FAM135B: variants seen among roughly 807,000 people sequenced by gnomAD.
FAM135B encodes family with sequence similarity 135 member B.
FAM135B carries 43 observed loss-of-function variants against 127.7 expected under a neutral mutation model. The ratio of observed to expected loss-of-function variants is 0.34; its 90% CI spans 0.26 to 0.43. The LOEUF is 0.43. FAM135B is among the 20% of genes least tolerant of loss of function. The pLI, the probability that FAM135B is intolerant of heterozygous loss-of-function variation, is 1.00. For missense variants in FAM135B, 1,558 were observed against 1,725.6 expected, an observed-to-expected ratio of 0.90 and a Z score of 1.72; for synonymous variants, 670 against 665.1, an observed-to-expected ratio of 1.01 and a Z score of -0.11.
chr8:138,380,261 G>A (rs1424624950), intron 1 of FAM135B, among the ~76,000 whole-genome samples: 5 of 151,830 alleles, frequency 3.3e-5, no homozygotes, highest in African/African-American at 1.2e-4. Context: ...GTAGTGGTGC[G>A]ATCTTGGCTC....
At chr8:138,364,264 C>T (rs752108964) in intron 2 of FAM135B, among the ~76,000 whole-genome samples, 7 of 152,226 alleles carry the variant, frequency 4.6e-5, no homozygotes, top group African/African-American at 7.2e-5. Context: ...GGAACACCCC[C>T]GGCAAATGCA....
intron 1 of FAM135B, among the ~76,000 whole-genome samples, chr8:138,448,003 A>G (rs890154136): frequency 2.0e-5 from 3 of 151,814 alleles, no homozygotes; most frequent in Admixed American, 2.0e-4. Flanking sequence ...ACTAGATCCT[A>G]TGATCTAATT....
At chr8:138,309,613 GACC>G (rs1423682606) in intron 3 of FAM135B, among the ~76,000 whole-genome samples, 6 of 152,142 alleles carry the variant, frequency 3.9e-5, no homozygotes, top group Non-Finnish European at 7.3e-5. Context: ...AATTTAAGCA[GACC>G]ACCACATCTA....
intron 2 of FAM135B, among the ~76,000 whole-genome samples, chr8:138,322,361 G>A (rs1827505051): frequency 6.6e-6 from 1 of 152,094 alleles, no homozygotes; most frequent in Admixed American, 6.5e-5. Flanking sequence ...GTCTGGCTAG[G>A]GGAGGAGACC....
intron 1 of FAM135B, among the ~76,000 whole-genome samples, chr8:138,430,349 A>G (rs1458310902): frequency 6.6e-6 from 1 of 152,198 alleles, no homozygotes; most frequent in Admixed American, 6.5e-5. Flanking sequence ...ATTAGTATGT[A>G]TTTTTAATAT....
chr8:138,462,441 C>T (rs956858379), intron 1 of FAM135B, among the ~76,000 whole-genome samples: 1 of 152,128 alleles, frequency 6.6e-6, no homozygotes, highest in African/African-American at 2.4e-5. Context: ...CCAAGGGAGG[C>T]AGTTTTATTG....
intron 3 of FAM135B, among the ~76,000 whole-genome samples, chr8:138,266,436 C>A (rs562151722): frequency 6.6e-6 from 1 of 151,894 alleles, no homozygotes; most frequent in Non-Finnish European, 1.5e-5. Flanking sequence ...TATCCCTAAA[C>A]GGTACTTCAA....
intron 7 of FAM135B, among the ~76,000 whole-genome samples, chr8:138,233,509 A>C (rs116749298): frequency 4.4e-4 from 67 of 152,314 alleles, no homozygotes; most frequent in African/African-American, 1.5e-3. Context: ...CATATACAAC[A>C]ATCAACTCAA....
chr8:138,383,583 T>G (rs1400733753), intron 1 of FAM135B, among the ~76,000 whole-genome samples: 2 of 152,206 alleles, frequency 1.3e-5, no homozygotes, highest in Non-Finnish European at 2.9e-5. Flanking sequence ...TTAAACACCA[T>G]GATACTGGAT....
intron 3 of FAM135B, among the ~76,000 whole-genome samples, chr8:138,289,448 T>G (rs777604738): frequency 6.6e-6 from 1 of 152,190 alleles, no homozygotes; most frequent in Non-Finnish European, 1.5e-5. Context: ...ACTCCCTCAC[T>G]CCACTTCTGT....
intron 9 of FAM135B, among the ~76,000 whole-genome samples, chr8:138,183,420 A>T (rs1815264155): frequency 6.6e-6 from 1 of 152,082 alleles, no homozygotes; most frequent in Admixed American, 6.5e-5. Flanking sequence ...TAACCCCTCT[A>T]CATGCTGTGT....
Position 138,132,461 on chromosome 8 carries a change from G to A in FAM135B, c.*132C>T. 1.4e-6 allele frequency: 1 copy of A among 729,898 alleles called. No individual in the cohort carries two copies. Among genetic ancestry groups the A allele is most frequent in the East Asian group, 2.5e-5 (1 of 40,342 alleles). 45.2% of individuals were successfully genotyped at this position (729,898 alleles called of 1,614,324 possible). A position where few individuals can be genotyped will look rare whatever the true frequency, so the allele number is the denominator to read the frequency against. On this transcript the variant is annotated 3_prime_UTR_variant, in exon 20 of 20. Coordinates refer to ENST00000395297, the MANE Select transcript of FAM135B (RefSeq NM_015912.4). This position sits in a 1 kb window ranked among gnomAD's most constrained non-coding sequence, Gnocchi z 4.5. ...AAAACAAAAGCACCTCTCATGTCAG[G>A]TTCCACCCGAGCCTCCGTCCCCCAA...
intron 1 of FAM135B, among the ~76,000 whole-genome samples, chr8:138,387,353 C>T (rs903168334): frequency 3.9e-5 from 6 of 152,138 alleles, no homozygotes; most frequent in East Asian, 1.9e-4. Flanking sequence ...GCAGTACACA[C>T]GCCTCCTAGT....
intron 3 of FAM135B, among the ~76,000 whole-genome samples, chr8:138,308,139 ATCC>A (rs1471860955): frequency 6.6e-6 from 1 of 152,024 alleles, no homozygotes; most frequent in African/African-American, 2.4e-5. Flanking sequence ...GTGGCCTGGA[ATCC>A]TCTTCATTTT....
chr8:138,422,824 G>A (rs1416616962), intron 1 of FAM135B, among the ~76,000 whole-genome samples: 1 of 152,180 alleles, frequency 6.6e-6, no homozygotes, highest in African/African-American at 2.4e-5. Flanking sequence ...TATGTTCACT[G>A]CAGCACTTTT....
chr8:138,365,115 G>A (rs577271577), intron 2 of FAM135B, among the ~76,000 whole-genome samples: 1 of 152,258 alleles, frequency 6.6e-6, no homozygotes, highest in Non-Finnish European at 1.5e-5. Context: ...CCAAAGTGCT[G>A]GGATTACAGG....
intron 1 of FAM135B, among the ~76,000 whole-genome samples, chr8:138,462,820 A>C (rs1480083449): frequency 1.3e-5 from 2 of 152,214 alleles, no homozygotes; most frequent in East Asian, 3.8e-4. Context: ...GGTCCAGAGA[A>C]AATCTGAAGC....
chr8:138,441,609 G>T (rs1364914912), intron 1 of FAM135B: 1 of 152,128 alleles, frequency 6.6e-6, no homozygotes, highest in Non-Finnish European at 1.5e-5. Context: ...ACGAGAGAAA[G>T]AATTTCTGTT....
intron 4 of FAM135B, among the ~76,000 whole-genome samples, chr8:138,263,693 A>G (rs1444269560): frequency 6.6e-6 from 1 of 152,174 alleles, no homozygotes; most frequent in Non-Finnish European, 1.5e-5. Context: ...CATGATATAG[A>G]GAGTCAAGGG....
Sources: allele counts gnomAD v4.1 joint callset (sites outside exome capture counted in the v4.1 genomes callset), GRCh38; gene constraint gnomAD v4.1.1; non-coding constraint Gnocchi (gnomAD v3.1); transcripts MANE v1.5; gene names NCBI Gene and HGNC (gene_info 2026-07-23, HGNC 2026-07-21).